TNPO1: variants seen among roughly 807,000 people sequenced by gnomAD.
TNPO1 encodes the protein transportin-1.
TNPO1 carries 8 observed loss-of-function variants against 119.5 expected under a neutral mutation model. The ratio of observed to expected loss-of-function variants is 0.07; its 90% CI spans 0.04 to 0.12. The LOEUF is 0.12. Ranked by LOEUF, TNPO1 falls within the 10% of genes least tolerant of loss-of-function variation. The pLI is 1.00. For synonymous variants in TNPO1, 362 were observed against 363.0 expected, an observed-to-expected ratio of 1.00 and a Z score of 0.03; for missense variants, 576 against 1,089.8, an observed-to-expected ratio of 0.53 and a Z score of 6.64.
At chr5:72,893,329 G>T (rs756842540) in intron 16 of TNPO1, 48 bp from the exon 17 acceptor site, 2 of 1,605,234 alleles carry the variant, frequency 1.2e-6, no homozygotes. Context: ...GACTTTTTAA[G>T]TAGTTAATTA....
chr5:72,907,456 G>T (rs1274045362), intron 24 of TNPO1, among the ~76,000 whole-genome samples: 1 of 152,078 alleles, frequency 6.6e-6, no homozygotes, highest in African/African-American at 2.4e-5. Flanking sequence ...GGAGAAAAGG[G>T]ATTGCTTATA....
At chr5:72,838,466 C>T (rs1011798548) in intron 1 of TNPO1, among the ~76,000 whole-genome samples, 3 of 151,958 alleles carry the variant, frequency 2.0e-5, no homozygotes, top group Non-Finnish European at 2.9e-5. Context: ...TGAATCATAC[C>T]TTTTATTAAC....
intron 3 of TNPO1, 137 bp from the exon 4 acceptor site, chr5:72,855,637 C>A (rs1254947281): frequency 5.8e-6 from 4 of 695,112 alleles, no homozygotes; most frequent in Non-Finnish European, 9.5e-6. Flanking sequence ...TTTTGTTAAT[C>A]AGTTATAATT....
intron 6 of TNPO1, among the ~76,000 whole-genome samples, chr5:72,868,050 A>G (rs950464040): frequency 1.3e-5 from 2 of 152,122 alleles, no homozygotes; most frequent in Non-Finnish European, 2.9e-5. Flanking sequence ...AGGAATTCTC[A>G]TCCTTTATCA....
At chr5:72,883,349 AT>A (rs1449182133) in intron 11 of TNPO1, 117 bp downstream of exon 11, 5 of 636,854 alleles carry the variant, frequency 7.9e-6, no homozygotes, top group Non-Finnish European at 1.4e-5. Context: ...GGTTTTTAGT[AT>A]ATTCAGAGAG....
chr5:72,893,744 G>C (rs746107337), intron 18 of TNPO1, 41 bp downstream of exon 18: 4 of 1,550,454 alleles, frequency 2.6e-6, no homozygotes, highest in East Asian at 2.2e-5. Flanking sequence ...GTTTTTTAAA[G>C]TTAACATTTA....
At chr5:72,898,577 C>T (rs945538300) in intron 20 of TNPO1, among the ~76,000 whole-genome samples, 6 of 152,050 alleles carry the variant, frequency 3.9e-5, no homozygotes, top group Admixed American at 3.3e-4. Context: ...TTGTCAATGG[C>T]TAATATCTAG....
chr5:72,862,549 A>G (rs1746534755), intron 5 of TNPO1, among the ~76,000 whole-genome samples: 1 of 150,590 alleles, frequency 6.6e-6, no homozygotes, highest in South Asian at 2.1e-4. Flanking sequence ...CTGACCCTGA[A>G]CTCCTGAGCT....
At chr5:72,883,497 T>G (rs1380326256) in intron 11 of TNPO1, among the ~76,000 whole-genome samples, 4 of 152,230 alleles carry the variant, frequency 2.6e-5, no homozygotes, top group Non-Finnish European at 4.4e-5. Context: ...ATTCTAGACA[T>G]TTCATGTAAA....
chr5:72,886,355 T>C (rs1373386447), intron 11 of TNPO1, among the ~76,000 whole-genome samples: 2 of 152,244 alleles, frequency 1.3e-5, no homozygotes, highest in Non-Finnish European at 2.9e-5. Context: ...TTCTAGATGA[T>C]ATACTGCTGG....
intron 1 of TNPO1, among the ~76,000 whole-genome samples, chr5:72,834,264 T>C (rs1744597312): frequency 6.6e-6 from 1 of 152,238 alleles, no homozygotes; most frequent in South Asian, 2.1e-4. Context: ...TTTACTATAT[T>C]ATTGTTATTT....
At chr5:72,816,775 G>A in intron 1 of TNPO1, 23 bp downstream of exon 1, 2 of 1,580,086 alleles carry the variant, frequency 1.3e-6, no homozygotes, top group East Asian at 2.4e-5. Context: ...AGGGTGCGCG[G>A]CCCCGAACTG....
chr5:72,823,177 G>GT (rs1033274100), intron 1 of TNPO1, among the ~76,000 whole-genome samples: 19 of 151,944 alleles, frequency 1.3e-4, no homozygotes, highest in African/African-American at 4.6e-4. Flanking sequence ...TCCTCCCACT[G>GT]TTTCTAGAGG....
intron 1 of TNPO1, among the ~76,000 whole-genome samples, chr5:72,830,429 C>T (rs572021636): frequency 1.1e-4 from 16 of 152,216 alleles, no homozygotes; most frequent in Non-Finnish European, 1.9e-4. Flanking sequence ...ACCCACATAT[C>T]GAATTATTGA....
At chr5:72,908,268 G>A (rs773841732) in intron 24 of TNPO1, among the ~76,000 whole-genome samples, 66 of 151,920 alleles carry the variant, frequency 4.3e-4, no homozygotes, top group Middle Eastern at 3.2e-3. Flanking sequence ...GGGAATACTG[G>A]GGGAAAAAAA....
At chr5:72,876,725 C>T (rs1022621596) in intron 8 of TNPO1, among the ~76,000 whole-genome samples, 1 of 152,142 alleles carries the variant, frequency 6.6e-6, no homozygotes, top group Non-Finnish European at 1.5e-5. Flanking sequence ...TCACTGAACA[C>T]TTTTCATTGA....
chr5:72,855,062 C>T lies in TNPO1; in HGVS notation c.206-712C>T, dbSNP rs544636233. 2.0e-5 allele frequency among the ~76,000 whole-genome samples: 3 copies of T among 152,070 alleles called. No individual in the cohort carries two copies. In the East Asian group the frequency reaches 5.8e-4, roughly 29 times the overall value. ...CTGGAGTGTAGTGGCATGATCTTGG[C>T]TTCTCTGCTTGCAGCCTCTGCCTTC... On this transcript the variant is annotated intron_variant, in intron 3 of 24. Transcript: ENST00000337273.
intron 14 of TNPO1, among the ~76,000 whole-genome samples, chr5:72,891,133 A>G (rs62363389): frequency 0.12 from 18,901 of 151,580 alleles, 1,481 homozygotes; most frequent in East Asian, 0.35. Flanking sequence ...GTGAGCCACC[A>G]TGCCCAGCCC....
chr5:72,819,642 G>A (rs915214605), intron 1 of TNPO1, among the ~76,000 whole-genome samples: 1 of 152,154 alleles, frequency 6.6e-6, no homozygotes, highest in Non-Finnish European at 1.5e-5. Context: ...CTGAAAAAAA[G>A]CTGATAACCG....
Sources: gnomAD v4.1 joint callset for allele counts (sites outside exome capture counted in the v4.1 genomes callset) on GRCh38, gnomAD v4.1.1 for gene constraint, MANE v1.5 for transcripts, NCBI Gene and HGNC (gene_info 2026-07-23, HGNC 2026-07-21) for gene names.